Variants in PLG observed in about 807,000 individuals in gnomAD.
PLG encodes plasmin.
Under a neutral mutation model 104.4 loss-of-function variants are expected in PLG, and 41 were observed. The ratio of observed to expected loss-of-function variants is 0.39; its 90% CI spans 0.31 to 0.51. The LOEUF is 0.51. Among genes scored for constraint, PLG ranks in the 20% least tolerant of loss-of-function variants. PLG has a pLI of 0.76. For missense variants in PLG, 891 were observed against 1,003.6 expected, an observed-to-expected ratio of 0.89 and a Z score of 1.52; for synonymous variants, 337 against 357.1, an observed-to-expected ratio of 0.94 and a Z score of 0.63.
intron 10 of PLG, among the ~76,000 whole-genome samples, chr6:160,727,716 C>T (rs1008338853): frequency 1.3e-5 from 2 of 151,828 alleles, no homozygotes; most frequent in African/African-American, 4.8e-5. Flanking sequence ...GAAAATGTGA[C>T]AAAATTTAAC....
Position 160,713,103 on chromosome 6 carries a change from C to T in PLG, c.525C>T (p.Tyr175=), listed in dbSNP as rs371986721. 1 of 1,610,528 alleles carries T rather than the reference C, an allele frequency of 6.2e-7. No individual in the cohort carries two copies. The highest frequency in any genetic ancestry group is 8.5e-7 in the Non-Finnish European group (1 of 1,178,510). ...YTTDPEKRYD[Y]CDILECEEEC... is the part of the protein sequence containing the mutation. ...CTGATCCAGAAAAGAGATATGACTA[C>T]TGCGACATTCTTGAGTGTGAAGGTC... The change falls in exon 5 of 19, where the codon TAC becomes TAT. Residue 175 remains tyrosine (Y), a synonymous_variant. Transcript: ENST00000308192.
chr6:160,745,097 G>A (rs1398721158), intron 17 of PLG, among the ~76,000 whole-genome samples: 2 of 152,148 alleles, frequency 1.3e-5, no homozygotes, highest in Non-Finnish European at 2.9e-5. Context: ...TTTAGAGTAT[G>A]TGCCACATGG....
Position 160,748,388 on chromosome 6 carries a change from GAAA to G in PLG, c.2126-3726_2126-3724del, listed in dbSNP as rs1404321993. ...AGAAAGAAAGAAAGAAAGAAAGAAAGAAAGAAAGAAAGGAAGAAAGAAAGAAAG... is the reference window on the plus strand; with the variant it reads ...AGAAAGAAAGAAAGAAAGAAAGAAAGGAAAGAAAGGAAGAAAGAAAGAAAG... On this transcript the variant is annotated intron_variant, in intron 17 of 18. Transcript: ENST00000308192. Among the ~76,000 whole-genome samples the G allele has an allele frequency of 1.5e-4, 7 of 47,348 alleles. 1 individual carries two copies. The highest frequency in any genetic ancestry group is 5.1e-4 in the African/African-American group (7 of 13,768). 31.1% of individuals were successfully genotyped at this position (47,348 alleles called of 152,430 possible).
Position 160,718,810 on chromosome 6 carries a change from A to G in PLG, c.1068A>G (p.Pro356=), listed in dbSNP as rs756530078. 3.7e-6 allele frequency: 6 copies of G among 1,613,768 alleles called. No individual in the cohort carries two copies. The highest frequency in any genetic ancestry group is 1.3e-5 in the African/African-American group (1 of 74,916). ...AGATACCGTCCTGTGACTCCTCCCC[A>G]GTATCCACGGAACAATTGGCTCCCA... ...YCKIPSCDSS[P]VSTEQLAPTA... The change falls in exon 9 of 19, where the codon CCA becomes CCG. Residue 356 remains proline, a synonymous_variant. Transcript: ENST00000308192.
intron 12 of PLG, among the ~76,000 whole-genome samples, chr6:160,733,183 CCA>C (rs1339698711): frequency 6.6e-6 from 1 of 152,216 alleles, no homozygotes; most frequent in Non-Finnish European, 1.5e-5. Context: ...TCTTATTCTA[CCA>C]CAGTGTCATA....
chr6:160,733,686 A>G (rs865817047), intron 12 of PLG, among the ~76,000 whole-genome samples: 9 of 151,030 alleles, frequency 6.0e-5, no homozygotes, highest in Non-Finnish European at 1.3e-4. Flanking sequence ...CTGAAAATAG[A>G]AAAAAAAATT....
Position 160,713,137 on chromosome 6 carries a change from T to C in PLG, c.547+12T>C, listed in dbSNP as rs973244180. 4.4e-6 allele frequency: 7 copies of C among 1,604,652 alleles called. No homozygotes were observed. The highest frequency in any genetic ancestry group is 2.7e-5 in the African/African-American group (2 of 74,812). ...TCTTGAGTGTGAAGGTCAGGAGTGGTTCTAGAAAATGTTTTCATTTCTGCC... is the reference window on the plus strand; with the variant it reads ...TCTTGAGTGTGAAGGTCAGGAGTGGCTCTAGAAAATGTTTTCATTTCTGCC... On this transcript the variant is annotated intron_variant, in intron 5 of 18. Transcript: ENST00000308192.
At chr6:160,721,350 C>T (rs943954299) in intron 9 of PLG, among the ~76,000 whole-genome samples, 1 of 152,146 alleles carries the variant, frequency 6.6e-6, no homozygotes, top group Admixed American at 6.5e-5. Flanking sequence ...ATTATTTATA[C>T]TTTGAAATGG....
intron 1 of PLG, among the ~76,000 whole-genome samples, chr6:160,704,768 AG>A (rs1777486472): frequency 6.6e-6 from 1 of 152,214 alleles, no homozygotes; most frequent in Non-Finnish European, 1.5e-5. Flanking sequence ...GGTGGGGAGC[AG>A]GGGGACTTTG....
intron 2 of PLG, among the ~76,000 whole-genome samples, chr6:160,706,967 A>G (rs1304644642): frequency 6.6e-6 from 1 of 150,544 alleles, no homozygotes; most frequent in Non-Finnish European, 1.5e-5. Context: ...AAAAAAAAAG[A>G]CAGCCCAAGT....
chr6:160,714,023 C>T (rs1014740581), intron 5 of PLG, among the ~76,000 whole-genome samples: 3 of 152,106 alleles, frequency 2.0e-5, no homozygotes, highest in Admixed American at 6.6e-5. Flanking sequence ...TCCACCTGTT[C>T]GAATCACGGG....
chr6:160,752,062 T>A lies in PLG; in HGVS notation c.2126-53T>A. On this transcript the variant is annotated intron_variant, in intron 17 of 18. Coordinates refer to ENST00000308192, the MANE Select transcript of PLG (RefSeq NM_000301.5). The surrounding 1 kb of genome is among the most constrained non-coding windows in gnomAD (Gnocchi z 4.7). ...GCCGCTGCTCTGTTCTGGAATATCC[T>A]CCTGAATGTGTTTTGGGTGCAGTTG... 6.5e-7 allele frequency: 1 copy of A among 1,542,108 alleles called. No individual in the cohort carries two copies. Among genetic ancestry groups the A allele is most frequent in the South Asian group, 1.1e-5 (1 of 89,112 alleles).
intron 17 of PLG, among the ~76,000 whole-genome samples, chr6:160,746,642 C>T (rs935452679): frequency 2.0e-4 from 31 of 152,192 alleles, no homozygotes; most frequent in Admixed American, 9.8e-4. Flanking sequence ...TCATTTCAGC[C>T]AGCTCAGCCT....
Position 160,731,323 on chromosome 6 carries a change from C to T in PLG, c.1438+91C>T. 9 of 1,142,444 alleles carry T rather than the reference C, an allele frequency of 7.9e-6. No homozygotes were observed. In the South Asian group the frequency reaches 1.1e-4, roughly 14 times the overall value. 70.8% of individuals were successfully genotyped at this position (1,142,444 alleles called of 1,614,324 possible). ...ACTGATGCAGAAACCTTCCATGCTA[C>T]ACGAGAAATCAAGTGTTTTTAGAGG... On this transcript the variant is annotated intron_variant, in intron 11 of 18. Transcript: ENST00000308192. This position sits in a 1 kb window ranked among gnomAD's most constrained non-coding sequence, Gnocchi z 5.1.
At position 160,741,268 on chromosome 6, in the gene PLG, C is replaced by A. The variant is rs377464568; in HGVS notation, c.2019-43C>A. The A allele has an allele frequency of 3.0e-6, 4 of 1,320,634 alleles. No homozygotes were observed. The highest frequency in any genetic ancestry group is 1.2e-5 in the South Asian group (1 of 85,352). The allele number at this position is 1,320,634 out of a possible 1,614,324, so 81.8% of individuals were successfully genotyped here. ...TGACTGGTTGTGGGTACTGCAGCTG[C>A]GAGCAGAGCAGTCAAACATAACTGC... is the stretch of plus-strand genomic sequence containing the variant. On this transcript the variant is annotated intron_variant, in intron 16 of 18. Transcript: ENST00000308192. This position sits in a 1 kb window ranked among gnomAD's most constrained non-coding sequence, Gnocchi z 4.7.
At chr6:160,703,513 C>T (rs191616193) in intron 1 of PLG, among the ~76,000 whole-genome samples, 80 of 152,288 alleles carry the variant, frequency 5.3e-4, no homozygotes, top group African/African-American at 1.5e-3. Flanking sequence ...TTCATACAAA[C>T]GGAATCATAC....
At chr6:160,750,873 T>A (rs1346360727) in intron 17 of PLG, among the ~76,000 whole-genome samples, 1 of 152,188 alleles carries the variant, frequency 6.6e-6, no homozygotes, top group Non-Finnish European at 1.5e-5. Flanking sequence ...CCTGGGCATG[T>A]CTATCTGGAA....
At chr6:160,721,677 G>A (rs769590065) in intron 9 of PLG, among the ~76,000 whole-genome samples, 7 of 152,174 alleles carry the variant, frequency 4.6e-5, no homozygotes, top group South Asian at 2.1e-4. Flanking sequence ...TTTGGTGGAC[G>A]TAGGAGAATA....
rs1336188898 is a variant in PLG at position 160,719,601 on chromosome 6, T to C, written c.1096+763T>C. On this transcript the variant is annotated intron_variant, in intron 9 of 18. Transcript: ENST00000308192. The surrounding 1 kb of genome is among the most constrained non-coding windows in gnomAD (Gnocchi z 4.1). ...CATTTAAACTTTGTTCCTTTTTTCATCTTTTTCTGCCTTCATTTAGATTGA... is the reference window on the plus strand; with the variant it reads ...CATTTAAACTTTGTTCCTTTTTTCACCTTTTTCTGCCTTCATTTAGATTGA... Among the ~76,000 whole-genome samples the C allele has an allele frequency of 6.6e-6, 1 of 152,240 alleles. No homozygotes were observed.
Sources: gnomAD v4.1 joint callset for allele counts (sites outside exome capture counted in the v4.1 genomes callset) on GRCh38, gnomAD v4.1.1 for gene constraint, Gnocchi (gnomAD v3.1) non-coding constraint, MANE v1.5 for transcripts, NCBI Gene and HGNC (gene_info 2026-07-23, HGNC 2026-07-21) for gene names.